The following CENPI variants were observed in gnomAD, a reference collection of about 807,000 sequenced individuals.
CENPI encodes FSH primary response 1.
A neutral mutation model predicts 60.4 loss-of-function variants in CENPI; 4 were observed. The observed-to-expected ratio is 0.07, with a 90% CI of 0.03 to 0.15. The LOEUF (loss-of-function observed/expected upper bound fraction) is 0.15. CENPI is among the 10% of genes least tolerant of loss of function. The pLI is 1.00. For missense variants in CENPI, 444 were observed against 534.5 expected (o/e 0.83, Z 1.67); for synonymous variants, 157 against 189.4 (o/e 0.83, Z 1.40).
At position 101,163,337 on chromosome X, in the gene CENPI, A is replaced by C; in HGVS notation, c.*370A>C. On this transcript the variant is annotated 3_prime_UTR_variant, in exon 22 of 22. Transcript: ENST00000682095. ...TGACAGTTAACTCACAGACATAAAC[A>C]TGCAAAATACTTTGCTGTCTCTGGG... 1 of 157,839 alleles carries C rather than the reference A, an allele frequency of 6.3e-6. No homozygotes were observed. The highest frequency in any genetic ancestry group is 1.5e-4 in the South Asian group (1 of 6,487). 13.0% of individuals were successfully genotyped at this position (157,839 alleles called of 1,213,427 possible).
intron 6 of CENPI, among the ~76,000 whole-genome samples, chrX:101,112,405 A>G (rs1183466220): frequency 8.9e-6 from 1 of 112,295 alleles, no homozygotes; most frequent in African/African-American, 3.2e-5. Flanking sequence ...TAAAAGATCC[A>G]TTTAAAATAC....
intron 12 of CENPI, 100 bp from the exon 13 acceptor site, chrX:101,129,882 C>T (rs1240263584): frequency 5.3e-6 from 3 of 561,486 alleles, no homozygotes; most frequent in Non-Finnish European, 8.9e-6. Context: ...AGACTTATGG[C>T]TTTTTTACTT....
At chrX:101,133,503 CATAT>C (rs2089817744) in intron 15 of CENPI, among the ~76,000 whole-genome samples, 1 of 107,856 alleles carries the variant, frequency 9.3e-6, no homozygotes, top group East Asian at 2.9e-4. Flanking sequence ...ACCTAATATG[CATAT>C]ACACATTCAG....
At chrX:101,133,078 T>G (rs950940243) in intron 15 of CENPI, among the ~76,000 whole-genome samples, 1 of 110,888 alleles carries the variant, frequency 9.0e-6, no homozygotes, top group African/African-American at 3.3e-5. Context: ...TAATTTTTCT[T>G]TTATAACTTT....
chrX:101,181,765 T>C, the CENPI span, among the ~76,000 whole-genome samples: 1 of 111,971 alleles, frequency 8.9e-6, no homozygotes, highest in African/African-American at 3.2e-5. Context: ...AATCTGAATG[T>C]CTTTTATTTC....
At chrX:101,110,051 T>C (rs1471534783) in intron 6 of CENPI, 53 bp downstream of exon 6, 2 of 687,140 alleles carry the variant, frequency 2.9e-6, no homozygotes, top group Non-Finnish European at 4.6e-6. Context: ...CATGTGTGTA[T>C]ATTGATGCAC....
At chrX:101,102,490 T>TAC in intron 4 of CENPI, 79 bp downstream of exon 4, 1 of 296,051 alleles carries the variant, frequency 3.4e-6, no homozygotes, top group South Asian at 7.5e-5. Context: ...AAATCTTATA[T>TAC]ATATATACAC....
the CENPI span, among the ~76,000 whole-genome samples, chrX:101,179,014 A>G: frequency 8.9e-6 from 1 of 112,430 alleles, no homozygotes. Flanking sequence ...TTCTAGTAAA[A>G]TACTCATTGC....
intron 20 of CENPI, among the ~76,000 whole-genome samples, chrX:101,148,625 G>C (rs1459395208): frequency 8.9e-6 from 1 of 112,069 alleles, no homozygotes; most frequent in Non-Finnish European, 1.9e-5. Flanking sequence ...TCAATATGCA[G>C]GCAGGTGGAG....
chrX:101,149,866 T>G (rs2089992941), intron 20 of CENPI, among the ~76,000 whole-genome samples: 1 of 110,244 alleles, frequency 9.1e-6, no homozygotes, highest in Non-Finnish European at 1.9e-5. Flanking sequence ...TCCGATTTAA[T>G]AACTCTAGGG....
the CENPI span, among the ~76,000 whole-genome samples, chrX:101,178,398 CTTTTTTTT>C: frequency 1.5e-4 from 6 of 39,983 alleles, no homozygotes; most frequent in South Asian, 1.7e-3. Flanking sequence ...TTTTCTTCTT[CTTTTTTTT>C]TTTTTTTTTT....
intron 8 of CENPI, among the ~76,000 whole-genome samples, chrX:101,122,657 C>A (rs1435431740): frequency 9.0e-6 from 1 of 110,879 alleles, no homozygotes; most frequent in African/African-American, 3.3e-5. Flanking sequence ...GCGGGCAGAT[C>A]ACGAGGTCAG....
At chrX:101,100,762 A>C (rs1393359605) in intron 2 of CENPI, 1 of 251,309 alleles carries the variant, frequency 4.0e-6, no homozygotes, top group Non-Finnish European at 7.0e-6. Flanking sequence ...TGACATAGCC[A>C]TTCTAAGAGA....
At chrX:101,108,947 A>G (rs60828988) in intron 4 of CENPI, among the ~76,000 whole-genome samples, 31,038 of 109,596 alleles carry the variant, frequency 0.28, 3,351 homozygotes, top group African/African-American at 0.36. Context: ...GTGCCTAACT[A>G]TTGCCTTATT....
At chrX:101,154,102 A>G (rs945077397) in intron 20 of CENPI, among the ~76,000 whole-genome samples, 1 of 111,775 alleles carries the variant, frequency 8.9e-6, no homozygotes, top group African/African-American at 3.2e-5. Context: ...TTATGGATCT[A>G]TATGTCTATC....
intron 8 of CENPI, among the ~76,000 whole-genome samples, chrX:101,124,060 T>C (rs1305742611): frequency 1.8e-5 from 2 of 109,596 alleles, no homozygotes; most frequent in Non-Finnish European, 3.8e-5. Context: ...TCCTGTCTTA[T>C]GTGGTTGCAC....
At chrX:101,110,644 A>T (rs2089543962) in intron 6 of CENPI, among the ~76,000 whole-genome samples, 1 of 112,077 alleles carries the variant, frequency 8.9e-6, no homozygotes, top group Non-Finnish European at 1.9e-5. Flanking sequence ...TTTATTTTTT[A>T]AAAATGATGT....
intron 20 of CENPI, 90 bp downstream of exon 20, chrX:101,148,251 G>A: frequency 1.3e-6 from 1 of 770,310 alleles, no homozygotes; most frequent in Non-Finnish European, 1.9e-6. Context: ...TGTCTGAATT[G>A]TAAGACGTGT....
chrX:101,122,062 C>T (rs762886279), intron 8 of CENPI, among the ~76,000 whole-genome samples: 3 of 111,330 alleles, frequency 2.7e-5, no homozygotes, highest in African/African-American at 9.8e-5. Flanking sequence ...GCCTTGGCCT[C>T]CCAAAGTGCT....
Sources: allele counts gnomAD v4.1 joint callset (sites outside exome capture counted in the v4.1 genomes callset), GRCh38; gene constraint gnomAD v4.1.1; transcripts MANE v1.5; gene names NCBI Gene and HGNC (gene_info 2026-07-23, HGNC 2026-07-21).